The following MCF2L2 variants were observed in gnomAD, a reference collection of about 807,000 sequenced individuals.
The protein encoded by MCF2L2 is probable guanine nucleotide exchange factor MCF2L2.
MCF2L2 carries 102 observed loss-of-function variants against 150.2 expected under a neutral mutation model. The ratio of observed to expected loss-of-function variants is 0.68; its 90% CI spans 0.58 to 0.80. The LOEUF is 0.80. Ranked by LOEUF, MCF2L2 falls within the 30% of genes least tolerant of loss-of-function variation. MCF2L2 has a pLI of 0.00. For missense variants in MCF2L2, 1,256 were observed against 1,372.8 expected, an observed-to-expected ratio of 0.91 and a Z score of 1.34; for synonymous variants, 465 against 491.3, an observed-to-expected ratio of 0.95 and a Z score of 0.71.
chr3:183,306,257 A>C (rs17804191), intron 10 of MCF2L2, among the ~76,000 whole-genome samples: 36,807 of 152,142 alleles, frequency 0.24, 5,120 homozygotes, highest in Non-Finnish European at 0.31. Context: ...TTTATGGTGA[A>C]ACCTCCAAAT....
At chr3:183,298,812 G>A (rs1477355459) in intron 11 of MCF2L2, 1 of 142,212 alleles carries the variant, frequency 7.0e-6, no homozygotes, top group Non-Finnish European at 1.5e-5. Flanking sequence ...ATAATCTCTG[G>A]AGCAAAAATG....
At chr3:183,251,277 T>C (rs1436731525) in intron 15 of MCF2L2, among the ~76,000 whole-genome samples, 1 of 152,226 alleles carries the variant, frequency 6.6e-6, no homozygotes, top group Non-Finnish European at 1.5e-5. Flanking sequence ...TCAGCTGTGT[T>C]AAGCCACTCG....
chr3:183,371,563 G>A (rs911187663), intron 3 of MCF2L2, among the ~76,000 whole-genome samples: 3 of 151,220 alleles, frequency 2.0e-5, no homozygotes. Flanking sequence ...CGCCTCCTGG[G>A]TCCAAGCAAT....
chr3:183,360,991 A>AGAGAAGAGAAGAGAAGAGAAGAGAAG (rs1560040073), intron 3 of MCF2L2, among the ~76,000 whole-genome samples: 9 of 133,512 alleles, frequency 6.7e-5, no homozygotes, highest in East Asian at 4.3e-4. Flanking sequence ...AAGAAAAGAA[A>AGAGAAGAGAAGAGAAGAGAAGAGAAG]AGAAAAGAAA....
At chr3:183,351,276 T>A (rs1711501511) in intron 3 of MCF2L2, among the ~76,000 whole-genome samples, 1 of 128,732 alleles carries the variant, frequency 7.8e-6, no homozygotes. Context: ...GCTCAAGCAA[T>A]CCTCCCATCT....
At position 183,180,063 on chromosome 3, in the gene MCF2L2, G is replaced by GT; in HGVS notation, c.3105+7dup. On this transcript the variant is annotated splice_region_variant and intron_variant, in intron 28 of 29. Transcript: ENST00000328913. ...AGAAGATGAAAGAAACAAAAGGGAA[G>GT]TAATTACACTCAGAGCACTGCTCTC... The GT allele has an allele frequency of 6.2e-7, 1 of 1,607,830 alleles. No homozygotes were observed. The highest frequency in any genetic ancestry group is 8.5e-7 in the Non-Finnish European group (1 of 1,174,318).
At chr3:183,234,133 T>C (rs1723693736) in intron 15 of MCF2L2, among the ~76,000 whole-genome samples, 2 of 152,206 alleles carry the variant, frequency 1.3e-5, no homozygotes, top group African/African-American at 4.8e-5. Flanking sequence ...ACCAATATGT[T>C]TCTACGAGCC....
chr3:183,301,521 G>C (rs190273765), intron 10 of MCF2L2, among the ~76,000 whole-genome samples: 1 of 152,288 alleles, frequency 6.6e-6, no homozygotes, highest in Non-Finnish European at 1.5e-5. Flanking sequence ...AGGCCGGGCT[G>C]TGGTGGCTCA....
rs1728559468 is a variant in MCF2L2 at position 183,297,216 on chromosome 3, G to C, written c.1306-49C>G. ...GTGCACTTCGCCTGACCACAACTCAGAGCCACCGTAATCCTCAGCAGGTCT... is the reference window on the plus strand; with the variant it reads ...GTGCACTTCGCCTGACCACAACTCACAGCCACCGTAATCCTCAGCAGGTCT... On this transcript the variant is annotated intron_variant, in intron 11 of 29. Coordinates refer to ENST00000328913, the MANE Select transcript of MCF2L2 (RefSeq NM_015078.4). 2.6e-6 allele frequency: 4 copies of C among 1,515,526 alleles called. No homozygotes were observed. The East Asian group carries it at 9.0e-5, about 34-fold the overall frequency. 93.9% of individuals were successfully genotyped at this position (1,515,526 alleles called of 1,614,324 possible).
chr3:183,301,650 C>A (rs1335429021), intron 10 of MCF2L2, among the ~76,000 whole-genome samples: 1 of 152,048 alleles, frequency 6.6e-6, no homozygotes, highest in East Asian at 1.9e-4. Context: ...AAAAAATTAG[C>A]CAGGCATGGC....
intron 20 of MCF2L2, among the ~76,000 whole-genome samples, chr3:183,222,342 G>A (rs1269629346): frequency 6.6e-6 from 1 of 152,096 alleles, no homozygotes; most frequent in Non-Finnish European, 1.5e-5. Flanking sequence ...ACGAGGTCAG[G>A]AGTTCAAGAC....
chr3:183,228,044 C>CACACACACACACACACACACACAA, intron 18 of MCF2L2: 1 of 454,700 alleles, frequency 2.2e-6, no homozygotes, highest in Middle Eastern at 5.6e-4. Context: ...CACACACACA[C>CACACACACACACACACACACACAA]ACAATGGTAA....
chr3:183,288,810 A>G (rs1054857188), intron 14 of MCF2L2, among the ~76,000 whole-genome samples: 2 of 152,048 alleles, frequency 1.3e-5, no homozygotes, highest in Non-Finnish European at 2.9e-5. Flanking sequence ...TGAACCATAC[A>G]CTGTTCTGCC....
intron 15 of MCF2L2, among the ~76,000 whole-genome samples, chr3:183,273,953 G>A (rs756872670): frequency 2.6e-4 from 39 of 152,238 alleles, no homozygotes; most frequent in Non-Finnish European, 4.9e-4. Flanking sequence ...CATGGCTCAC[G>A]CCTGTAATCC....
rs896710149 is a variant in MCF2L2, at chr3:183,351,374, A to G, written c.276-9744T>C. Among the ~76,000 whole-genome samples the G allele has an allele frequency of 2.6e-5, 4 of 151,414 alleles. 1 individual carries two copies. The highest frequency in any genetic ancestry group is 6.8e-3 in the Middle Eastern group (2 of 294). ...AGCTCTGATGTTAATATACTTTCCT[A>G]TGATTTGCCTTTTTTGGTAAGCAAG... On this transcript the variant is annotated intron_variant, in intron 3 of 29. Coordinates refer to ENST00000328913, the MANE Select transcript of MCF2L2 (RefSeq NM_015078.4).
intron 15 of MCF2L2, among the ~76,000 whole-genome samples, chr3:183,247,599 T>C (rs921033511): frequency 6.6e-6 from 1 of 152,196 alleles, no homozygotes; most frequent in Non-Finnish European, 1.5e-5. Flanking sequence ...ACAATTATAG[T>C]CAGTCCTCCA....
intron 23 of MCF2L2, 67 bp downstream of exon 23, chr3:183,207,541 A>G: frequency 7.9e-7 from 1 of 1,257,882 alleles, no homozygotes; most frequent in Non-Finnish European, 1.1e-6. Flanking sequence ...TCATCTGTAA[A>G]ATAAGGAAAA....
chr3:183,294,772 G>A (rs1369190378), intron 13 of MCF2L2, among the ~76,000 whole-genome samples: 2 of 151,732 alleles, frequency 1.3e-5, no homozygotes, highest in African/African-American at 4.9e-5. Context: ...GGGACTACAG[G>A]TGCCCACCAC....
At chr3:183,255,052 C>T (rs1319769683) in intron 15 of MCF2L2, among the ~76,000 whole-genome samples, 1 of 152,108 alleles carries the variant, frequency 6.6e-6, no homozygotes, top group Non-Finnish European at 1.5e-5. Context: ...GCACAGTGGC[C>T]GATGGTGGCC....
Sources: allele counts gnomAD v4.1 joint callset (sites outside exome capture counted in the v4.1 genomes callset), GRCh38; gene constraint gnomAD v4.1.1; transcripts MANE v1.5; gene names NCBI Gene and HGNC (gene_info 2026-07-23, HGNC 2026-07-21).